The following ASXL2 variants were observed in gnomAD, a reference collection of about 807,000 sequenced individuals.
ASXL2 encodes ASXL transcriptional regulator 2.
Under a neutral mutation model 122.0 loss-of-function variants are expected in ASXL2, and 23 were observed. That is an observed-to-expected ratio of 0.19 (90% CI 0.14 to 0.27). The LOEUF is 0.27. Among genes scored for constraint, ASXL2 ranks in the 10% least tolerant of loss-of-function variants. The probability of loss-of-function intolerance (pLI) is 1.00; values close to 1 mark genes in which losing one functional copy is unlikely to be tolerated. For missense variants in ASXL2, 1,518 were observed against 1,713.8 expected, an observed-to-expected ratio of 0.89 and a Z score of 2.02; for synonymous variants, 650 against 637.0, an observed-to-expected ratio of 1.02 and a Z score of -0.31.
intron 12 of ASXL2, among the ~76,000 whole-genome samples, chr2:25,745,220 T>C (rs1343226162): frequency 6.6e-6 from 1 of 151,318 alleles, no homozygotes; most frequent in African/African-American, 2.4e-5. Flanking sequence ...GGAAGTCTTT[T>C]TTTTTTTTTT....
At chr2:25,800,054 T>C (rs1299976878) in intron 4 of ASXL2, among the ~76,000 whole-genome samples, 1 of 149,906 alleles carries the variant, frequency 6.7e-6, no homozygotes, top group Non-Finnish European at 1.5e-5. Context: ...TCACAGCTAC[T>C]TGGGAGGCCA....
Position 25,743,351 on chromosome 2 carries a change from T to G in ASXL2, c.2986A>C (p.Thr996Pro). The G allele has an allele frequency of 1.2e-6, 2 of 1,613,958 alleles. No homozygotes were observed. Among genetic ancestry groups the G allele is most frequent in the Non-Finnish European group, 1.7e-6 (2 of 1,179,878 alleles). The change falls in exon 13 of 13, where the codon ACC becomes CCC. Residue 996 changes from threonine to proline, a missense_variant. By Grantham distance (38) the Thr-to-Pro change is conservative. Transcript: ENST00000435504. ...EERGMGALIA[T>P]NTTENSTREE... ...CTGGTGCTATTTTCTGTTGTGTTGGTAGCTATGAGCGCTCCCATCCCCCTT... is the reference window on the plus strand; with the variant it reads ...CTGGTGCTATTTTCTGTTGTGTTGGGAGCTATGAGCGCTCCCATCCCCCTT...
intron 1 of ASXL2, among the ~76,000 whole-genome samples, chr2:25,862,513 A>T (rs1378341391): frequency 4.6e-5 from 7 of 152,240 alleles, no homozygotes; most frequent in Non-Finnish European, 1.0e-4. Context: ...AATACATTTC[A>T]AATTAATTTG....
At chr2:25,806,184 C>T (rs1295199510) in intron 4 of ASXL2, 45 bp downstream of exon 4, 1 of 1,247,564 alleles carries the variant, frequency 8.0e-7, no homozygotes, top group African/African-American at 1.5e-5. Flanking sequence ...TATGTGGTCA[C>T]TTCCTGTTTT....
intron 5 of ASXL2, among the ~76,000 whole-genome samples, chr2:25,797,159 C>T (rs964477968): frequency 7.2e-5 from 11 of 152,108 alleles, no homozygotes; most frequent in African/African-American, 2.4e-4. Context: ...ACAGGTGCGG[C>T]GGGCTGGATG....
chr2:25,874,031 T>C (rs1258808336), intron 1 of ASXL2, among the ~76,000 whole-genome samples: 1 of 152,230 alleles, frequency 6.6e-6, no homozygotes, highest in African/African-American at 2.4e-5. Context: ...TTAATGAGCC[T>C]AATTTTGAAC....
At chr2:25,800,318 T>G (rs2088976306) in intron 4 of ASXL2, among the ~76,000 whole-genome samples, 1 of 151,886 alleles carries the variant, frequency 6.6e-6, no homozygotes, top group South Asian at 2.1e-4. Flanking sequence ...ATAAAATAAT[T>G]TCATTAAATA....
intron 5 of ASXL2, among the ~76,000 whole-genome samples, chr2:25,788,964 A>G (rs946903742): frequency 4.6e-5 from 7 of 151,880 alleles, no homozygotes; most frequent in Non-Finnish European, 7.4e-5. Context: ...ATTAATCCTG[A>G]TATTTAATAG....
intron 3 of ASXL2, among the ~76,000 whole-genome samples, chr2:25,825,262 G>T (rs938657028): frequency 6.6e-5 from 10 of 152,242 alleles, no homozygotes; most frequent in African/African-American, 2.2e-4. Context: ...TCCTACATTA[G>T]ATTAAATTGT....
chr2:25,749,710 C>T lies in ASXL2; in HGVS notation c.1846G>A (p.Val616Ile). Residue 616 changes from valine to isoleucine, a missense_variant, in exon 12 of 13, where the codon GTA becomes ATA. Val to Ile is a conservative substitution (Grantham distance 29). Coordinates refer to ENST00000435504, the MANE Select transcript of ASXL2 (RefSeq NM_018263.6). ...NRGDRIQVRK[V>I]PPLKIPVSRI... is the part of the protein sequence containing the mutation. ...CATTCTCTTACCTTGAGAGGTGGTA[C>T]TTTTCGCACCTGGATTCTGTCCCCT... 1 of 1,521,234 alleles carries T rather than the reference C, an allele frequency of 6.6e-7. No homozygotes were observed. The highest frequency in any genetic ancestry group is 8.8e-7 in the Non-Finnish European group (1 of 1,137,796). 94.2% of individuals were successfully genotyped at this position (1,521,234 alleles called of 1,614,324 possible).
In ASXL2 at chr2:25,743,421, G is replaced by A. The variant is rs765152859; in HGVS notation, c.2916C>T (p.Leu972=). The A allele has an allele frequency of 6.2e-7, 1 of 1,613,904 alleles. No homozygotes were observed. Among genetic ancestry groups the A allele is most frequent in the Non-Finnish European group, 8.5e-7 (1 of 1,179,888 alleles). ...GAACCGTTTTCATTTCAACTTTGGT[G>A]AGAGGTTTAGGCAGAATTTGCTCCA... ...VPMEQILPKP[L]TKVEMKTVPL... The change falls in exon 13 of 13, where the codon CTC becomes CTT. Residue 972 remains leucine (L), a synonymous_variant. Transcript: ENST00000435504.
rs185592028 is a variant in ASXL2, at chr2:25,800,455, G to C, written c.253-920C>G. On this transcript the variant is annotated intron_variant, in intron 4 of 12. Coordinates refer to ENST00000435504, the MANE Select transcript of ASXL2 (RefSeq NM_018263.6). ...TTGGTTCCTGAATATTGGTTAGTAA[G>C]TAGCAAGAATTAAATAAAAAAGAAA... is the stretch of plus-strand genomic sequence containing the variant. Among the ~76,000 whole-genome samples the C allele has an allele frequency of 3.9e-5, 6 of 152,254 alleles. No individual in the cohort carries two copies. In the East Asian group the frequency reaches 1.2e-3, roughly 29 times the overall value.
intron 3 of ASXL2, among the ~76,000 whole-genome samples, chr2:25,813,570 A>G (rs556241645): frequency 6.6e-6 from 1 of 152,352 alleles, no homozygotes; most frequent in African/African-American, 2.4e-5. Flanking sequence ...TACTGTAATT[A>G]TGGGTAAGAG....
At chr2:25,789,472 A>G (rs1412427739) in intron 5 of ASXL2, among the ~76,000 whole-genome samples, 1 of 152,110 alleles carries the variant, frequency 6.6e-6, no homozygotes, top group Non-Finnish European at 1.5e-5. Context: ...GTGTGACCAG[A>G]AGAGAGCTCA....
At chr2:25,869,153 G>A (rs1216525763) in intron 1 of ASXL2, among the ~76,000 whole-genome samples, 1 of 145,118 alleles carries the variant, frequency 6.9e-6, no homozygotes, top group East Asian at 2.0e-4. Flanking sequence ...GGACAAGAAC[G>A]AGACCTCATC....
intron 3 of ASXL2, among the ~76,000 whole-genome samples, chr2:25,825,237 C>G (rs1429680868): frequency 6.6e-6 from 1 of 152,196 alleles, no homozygotes; most frequent in Non-Finnish European, 1.5e-5. Context: ...ACTAATATAA[C>G]AAGATGGCTG....
intron 4 of ASXL2, among the ~76,000 whole-genome samples, chr2:25,805,857 A>G (rs2089073388): frequency 6.6e-6 from 1 of 151,970 alleles, no homozygotes; most frequent in African/African-American, 2.4e-5. Flanking sequence ...TTTGCATTTT[A>G]GTAGAGGTGG....
At chr2:25,745,555 A>G (rs2087927260) in intron 12 of ASXL2, among the ~76,000 whole-genome samples, 1 of 136,650 alleles carries the variant, frequency 7.3e-6, no homozygotes, top group Non-Finnish European at 1.6e-5. Flanking sequence ...GGGAGCCTCC[A>G]GCTCAAAAAA....
chr2:25,845,850 A>G (rs544774765), intron 1 of ASXL2, among the ~76,000 whole-genome samples: 1 of 152,348 alleles, frequency 6.6e-6, no homozygotes, highest in African/African-American at 2.4e-5. Flanking sequence ...CAATATGATT[A>G]TAATAAAATT....
Sources: allele counts gnomAD v4.1 joint callset (sites outside exome capture counted in the v4.1 genomes callset), GRCh38; gene constraint gnomAD v4.1.1; transcripts MANE v1.5; gene names NCBI Gene and HGNC (gene_info 2026-07-23, HGNC 2026-07-21).